XYLT1: variants seen among roughly 807,000 people sequenced by gnomAD.
XYLT1 encodes beta-D-xylosyltransferase 1.
A neutral mutation model predicts 91.3 loss-of-function variants in XYLT1; 36 were observed. The observed-to-expected ratio is 0.39, with a 90% CI of 0.30 to 0.52. XYLT1 has a LOEUF of 0.52. XYLT1 is among the 20% of genes least tolerant of loss of function. The pLI is 0.68. For synonymous variants in XYLT1, 588 were observed against 532.0 expected, an observed-to-expected ratio of 1.11 and a Z score of -1.45; for missense variants, 1,242 against 1,284.5, an observed-to-expected ratio of 0.97 and a Z score of 0.51.
intron 3 of XYLT1, among the ~76,000 whole-genome samples, chr16:17,239,208 CCATCCATCCATT>C (rs1203117926): frequency 1.4e-5 from 2 of 141,320 alleles, no homozygotes; most frequent in African/African-American, 2.6e-5. Context: ...ATTCATCCAT[CCATCCATCCATT>C]CATCCATCCA....
chr16:17,284,906 G>C lies in XYLT1; in HGVS notation c.403-25408C>G, dbSNP rs187118731. 4.4e-4 allele frequency among the ~76,000 whole-genome samples: 67 copies of C among 152,348 alleles called. 2 individuals carry two copies. Among genetic ancestry groups the C allele is most frequent in the Admixed American group, 1.4e-3 (22 of 15,308 alleles). ...AGACTCATACAGCACAGGAAAGCAA[G>C]ATGGGGCTGAACCTGGGTACACAGA... On this transcript the variant is annotated intron_variant, in intron 2 of 11. Transcript: ENST00000261381.
At chr16:17,447,699 T>A in intron 1 of XYLT1, among the ~76,000 whole-genome samples, 1 of 152,216 alleles carries the variant, frequency 6.6e-6, no homozygotes, top group East Asian at 1.9e-4. Context: ...TTTCAGCCTA[T>A]GTCGTAAGAC....
At chr16:17,232,737 A>G (rs1430193695) in intron 3 of XYLT1, among the ~76,000 whole-genome samples, 2 of 151,430 alleles carry the variant, frequency 1.3e-5, no homozygotes, top group Non-Finnish European at 2.9e-5. Flanking sequence ...TAGAGGTGAT[A>G]GTGGTGTTGG....
At chr16:17,218,907 C>T (rs1015709552) in intron 3 of XYLT1, among the ~76,000 whole-genome samples, 2 of 151,894 alleles carry the variant, frequency 1.3e-5, no homozygotes, top group East Asian at 3.9e-4. Context: ...GTGTGCTATA[C>T]CCTGGGGCAG....
At chr16:17,323,686 T>G (rs2034759127) in intron 2 of XYLT1, among the ~76,000 whole-genome samples, 1 of 152,144 alleles carries the variant, frequency 6.6e-6, no homozygotes, top group Non-Finnish European at 1.5e-5. Context: ...CAGAGCTTAC[T>G]GCCACTTGCT....
intron 5 of XYLT1, among the ~76,000 whole-genome samples, chr16:17,167,750 C>G (rs996610928): frequency 6.6e-6 from 1 of 152,104 alleles, no homozygotes; most frequent in Admixed American, 6.5e-5. Context: ...ATCCTTCCAT[C>G]TCATGCATGG....
chr16:17,141,878 A>G (rs376865795), intron 6 of XYLT1, among the ~76,000 whole-genome samples: 7 of 152,188 alleles, frequency 4.6e-5, no homozygotes, highest in African/African-American at 1.4e-4. Context: ...CTTGACTCAC[A>G]CATTATATAC....
intron 3 of XYLT1, among the ~76,000 whole-genome samples, chr16:17,221,084 T>G (rs1345709949): frequency 6.6e-6 from 1 of 152,272 alleles, no homozygotes; most frequent in East Asian, 1.9e-4. Context: ...GGCAACAACA[T>G]TTCCTTGCCT....
chr16:17,389,436 T>C (rs538532715), intron 1 of XYLT1, among the ~76,000 whole-genome samples: 1 of 152,304 alleles, frequency 6.6e-6, no homozygotes, highest in African/African-American at 2.4e-5. Context: ...TTATGGTTTA[T>C]CTGCAGGATA....
chr16:17,292,081 T>TACAC (rs10568382), intron 2 of XYLT1, among the ~76,000 whole-genome samples: 3,081 of 149,054 alleles, frequency 0.021, 104 homozygotes, highest in African/African-American at 0.068. Context: ...CACTAAACCA[T>TACAC]ACACACACAC....
intron 1 of XYLT1, among the ~76,000 whole-genome samples, chr16:17,402,575 A>T (rs1348396812): frequency 6.6e-6 from 1 of 152,156 alleles, no homozygotes; most frequent in Admixed American, 6.5e-5. Context: ...CTGTTGGAGC[A>T]TACAGTTCCT....
intron 8 of XYLT1, among the ~76,000 whole-genome samples, chr16:17,136,997 T>C (rs1001743398): frequency 1.3e-5 from 2 of 152,130 alleles, no homozygotes; most frequent in Non-Finnish European, 2.9e-5. Context: ...ATTCATTGAA[T>C]AGGTCAAACA....
At position 17,203,837 on chromosome 16, in the gene XYLT1, G is replaced by A. The variant is rs753732773; in HGVS notation, c.914-3183C>T. 1.0e-3 allele frequency among the ~76,000 whole-genome samples: 158 copies of A among 152,186 alleles called. 4 individuals are homozygous for A. Among genetic ancestry groups the A allele is most frequent in the Non-Finnish European group, 2.9e-4 (20 of 68,034 alleles). Reference sequence around the variant, plus strand: ...ACCATCCATCCACTTAAGGTGTATGGGGCCTTTGAGATTAACCCTTGCTTT... The same window carrying A: ...ACCATCCATCCACTTAAGGTGTATGAGGCCTTTGAGATTAACCCTTGCTTT... On this transcript the variant is annotated intron_variant, in intron 3 of 11. Transcript: ENST00000261381.
intron 3 of XYLT1, among the ~76,000 whole-genome samples, chr16:17,210,201 T>A (rs1458912389): frequency 6.6e-6 from 1 of 152,314 alleles, no homozygotes; most frequent in Middle Eastern, 3.4e-3. Flanking sequence ...CTAATTTTTT[T>A]AGAAAAATTA....
rs567078982 is a variant in XYLT1, at chr16:17,406,322, T to C, written c.364-48272A>G. Among the ~76,000 whole-genome samples the C allele has an allele frequency of 4.7e-4, 72 of 152,356 alleles. 2 individuals are homozygous for C. In the South Asian group the frequency reaches 0.013, roughly 29 times the overall value. Reference sequence around the variant, plus strand: ...CAAATAAATAGTCACCACCTGCATGTAGCTTGTTCTCAAAATTCTCAAGCT... The same window carrying C: ...CAAATAAATAGTCACCACCTGCATGCAGCTTGTTCTCAAAATTCTCAAGCT... On this transcript the variant is annotated intron_variant, in intron 1 of 11. Coordinates refer to ENST00000261381, the MANE Select transcript of XYLT1 (RefSeq NM_022166.4).
intron 1 of XYLT1, among the ~76,000 whole-genome samples, chr16:17,458,976 G>A (rs894428252): frequency 3.9e-5 from 6 of 152,058 alleles, no homozygotes; most frequent in Non-Finnish European, 7.3e-5. Flanking sequence ...AGGATACTCG[G>A]ATGTGTTCAG....
At chr16:17,242,000 T>C (rs984539780) in intron 3 of XYLT1, among the ~76,000 whole-genome samples, 24 of 152,276 alleles carry the variant, frequency 1.6e-4, no homozygotes, top group Admixed American at 2.0e-4. Flanking sequence ...AGGCAAGAGA[T>C]AACTTCAGCT....
intron 1 of XYLT1, among the ~76,000 whole-genome samples, chr16:17,414,544 C>T (rs537111414): frequency 6.6e-6 from 1 of 152,292 alleles, no homozygotes; most frequent in East Asian, 1.9e-4. Flanking sequence ...GAGACGGACC[C>T]GTGGATGAGT....
chr16:17,383,752 C>CTTTTCTTTTTT (rs2035712109), intron 1 of XYLT1, among the ~76,000 whole-genome samples: 1 of 135,596 alleles, frequency 7.4e-6, no homozygotes, highest in Non-Finnish European at 1.6e-5. Context: ...GTGGAATTTT[C>CTTTTCTTTTTT]TTTTTTTTTT....
Sources: allele counts gnomAD v4.1 joint callset (sites outside exome capture counted in the v4.1 genomes callset), GRCh38; gene constraint gnomAD v4.1.1; transcripts MANE v1.5; gene names NCBI Gene and HGNC (gene_info 2026-07-23, HGNC 2026-07-21).